GRIN2A: variants seen among roughly 807,000 people sequenced by gnomAD.
GRIN2A encodes the protein glutamate receptor ionotropic, NMDA 2A.
GRIN2A carries 22 observed loss-of-function variants against 113.4 expected under a neutral mutation model. The observed-to-expected ratio is 0.19, with a 90% CI of 0.14 to 0.28. GRIN2A has a LOEUF of 0.28. Ranked by LOEUF, GRIN2A falls within the 10% of genes least tolerant of loss-of-function variation. GRIN2A has a pLI of 1.00. For missense variants in GRIN2A, 1,502 were observed against 1,887.0 expected (o/e 0.80, Z 3.78); for synonymous variants, 827 against 738.4 (o/e 1.12, Z -1.94).
At chr16:10,085,317 T>C (rs2048065083) in intron 2 of GRIN2A, among the ~76,000 whole-genome samples, 1 of 152,192 alleles carries the variant, frequency 6.6e-6, no homozygotes, top group Non-Finnish European at 1.5e-5. Context: ...ACAGAATGGC[T>C]AAGTATACAT....
chr16:9,829,253 G>C (rs2042443179), intron 9 of GRIN2A, among the ~76,000 whole-genome samples, 170 bp downstream of exon 9: 1 of 152,170 alleles, frequency 6.6e-6, no homozygotes, highest in Admixed American at 6.5e-5. Context: ...TTAATGTTCT[G>C]TTTCAAAAAC....
intron 2 of GRIN2A, among the ~76,000 whole-genome samples, chr16:10,074,133 TACAA>T (rs1401961413): frequency 1.3e-5 from 2 of 152,120 alleles, no homozygotes; most frequent in Non-Finnish European, 2.9e-5. Context: ...ATATGCTCAA[TACAA>T]ACAGTGATTA....
chr16:9,930,435 G>A, intron 3 of GRIN2A, among the ~76,000 whole-genome samples: 1 of 152,246 alleles, frequency 6.6e-6, no homozygotes, highest in East Asian at 1.9e-4. Context: ...ACATAGCTTT[G>A]GGAAAAATGA....
rs1052812334 is a variant in GRIN2A at position 9,755,845 on chromosome 16, A to G, written c.*7304T>C. On this transcript the variant is annotated 3_prime_UTR_variant, in exon 13 of 13. Transcript: ENST00000330684. ...TGAGCCGGGAATTATCTCTAAGACAATTTGGAAAAGAAAAAAAAAAAGGAA... is the reference window on the plus strand; with the variant it reads ...TGAGCCGGGAATTATCTCTAAGACAGTTTGGAAAAGAAAAAAAAAAAGGAA... 2.0e-5 allele frequency: 4 copies of G among 201,824 alleles called. No individual in the cohort carries two copies. In the East Asian group the frequency reaches 3.0e-4, roughly 15 times the overall value. 12.5% of individuals were successfully genotyped at this position (201,824 alleles called of 1,614,324 possible). A position where few individuals can be genotyped will look rare whatever the true frequency, so the allele number is the denominator to read the frequency against.
At chr16:9,885,723 T>TG (rs35406730) in intron 4 of GRIN2A, among the ~76,000 whole-genome samples, 306 of 152,096 alleles carry the variant, frequency 2.0e-3, no homozygotes, top group African/African-American at 7.1e-3. Context: ...CGTGTAGTGC[T>TG]GGGGGGGCAG....
chr16:9,896,054 T>C (rs1235845812), intron 3 of GRIN2A, among the ~76,000 whole-genome samples: 1 of 70,960 alleles, frequency 1.4e-5, no homozygotes, highest in African/African-American at 1.2e-4. Flanking sequence ...TCACAGCAAC[T>C]TTTTTTTTTT....
chr16:10,047,897 T>C (rs1287467473), intron 2 of GRIN2A, among the ~76,000 whole-genome samples: 1 of 152,176 alleles, frequency 6.6e-6, no homozygotes, highest in Admixed American at 6.5e-5. Flanking sequence ...TTCACCACCT[T>C]GGTATCTGGC....
chr16:10,116,522 G>T (rs1186608346), intron 2 of GRIN2A, among the ~76,000 whole-genome samples: 1 of 152,192 alleles, frequency 6.6e-6, no homozygotes, highest in Non-Finnish European at 1.5e-5. Context: ...GCAAAATGAA[G>T]CAAAGGGGAA....
At chr16:10,063,112 T>C (rs546526692) in intron 2 of GRIN2A, among the ~76,000 whole-genome samples, 3 of 152,162 alleles carry the variant, frequency 2.0e-5, no homozygotes, top group Admixed American at 6.5e-5. Context: ...CCTAAGCAAA[T>C]TAACACAGGA....
At chr16:10,161,125 G>A (rs892925378) in intron 2 of GRIN2A, among the ~76,000 whole-genome samples, 2 of 152,206 alleles carry the variant, frequency 1.3e-5, no homozygotes, top group African/African-American at 4.8e-5. Flanking sequence ...CCTGGTGGGA[G>A]GTAATTTAAT....
chr16:9,889,354 T>G (rs1489326759), intron 4 of GRIN2A, among the ~76,000 whole-genome samples: 1 of 152,210 alleles, frequency 6.6e-6, no homozygotes, highest in Non-Finnish European at 1.5e-5. Flanking sequence ...TGTGTTTTCT[T>G]TCTTTTGTGT....
At position 9,760,176 on chromosome 16, in the gene GRIN2A, G is replaced by T. The variant is rs1434948686; in HGVS notation, c.*2973C>A. ...GAACTCAGAGCTGGGATATGTTACG[G>T]GAATCTTCTGTGATAGATCTATAGT... On this transcript the variant is annotated 3_prime_UTR_variant, in exon 13 of 13. Transcript: ENST00000330684. 1 of 226,184 alleles carries T rather than the reference G, an allele frequency of 4.4e-6. No homozygotes were observed. The highest frequency in any genetic ancestry group is 8.8e-6 in the Non-Finnish European group (1 of 113,812). The allele number at this position is 226,184 out of a possible 1,614,324, so 14.0% of individuals were successfully genotyped here.
intron 2 of GRIN2A, among the ~76,000 whole-genome samples, chr16:10,073,397 A>G (rs1779397083): frequency 6.6e-6 from 1 of 152,146 alleles, no homozygotes; most frequent in South Asian, 2.1e-4. Flanking sequence ...TGCTGATATC[A>G]CGCAGGGTTG....
chr16:10,069,588 C>A (rs8059228), intron 2 of GRIN2A, among the ~76,000 whole-genome samples: 6,353 of 152,332 alleles, frequency 0.042, 485 homozygotes, highest in African/African-American at 0.15. Context: ...AGTAGAAGGA[C>A]CCAGATCCCT....
intron 2 of GRIN2A, chr16:10,112,857 C>T (rs2142152910): frequency 5.4e-6 from 3 of 551,576 alleles, no homozygotes; most frequent in Non-Finnish European, 1.0e-5. Flanking sequence ...CCATGGCCTG[C>T]ACGCTTACCA....
chr16:9,790,899 C>T (rs1902565931), intron 11 of GRIN2A, among the ~76,000 whole-genome samples: 1 of 152,212 alleles, frequency 6.6e-6, no homozygotes, highest in African/African-American at 2.4e-5. Context: ...CAGGGGTGGA[C>T]ATGGATAGCG....
chr16:10,104,043 T>A lies in GRIN2A; in HGVS notation c.414+75955A>T, dbSNP rs2048448424. Among the ~76,000 whole-genome samples the A allele has an allele frequency of 2.0e-5, 3 of 152,174 alleles. No homozygotes were observed. In the South Asian group the frequency reaches 6.2e-4, roughly 32 times the overall value. On this transcript the variant is annotated intron_variant, in intron 2 of 12. Transcript: ENST00000330684. The stretch of plus-strand genomic sequence containing the variant: ...CAATGTCCTTCTTAAAATACAGAAC[T>A]CACACATGAGCATAACCGAAGATAC...
intron 4 of GRIN2A, among the ~76,000 whole-genome samples, chr16:9,871,271 C>A (rs956711793): frequency 6.6e-6 from 1 of 152,092 alleles, no homozygotes; most frequent in African/African-American, 2.4e-5. Context: ...AGTTTTCTGG[C>A]TCCTGGATGA....
At chr16:10,167,065 G>C (rs1385090391) in intron 2 of GRIN2A, among the ~76,000 whole-genome samples, 2 of 152,138 alleles carry the variant, frequency 1.3e-5, no homozygotes, top group Non-Finnish European at 2.9e-5. Context: ...GTTATACATG[G>C]ATTTTAAACT....
Sources: allele counts gnomAD v4.1 joint callset (sites outside exome capture counted in the v4.1 genomes callset), GRCh38; gene constraint gnomAD v4.1.1; transcripts MANE v1.5; gene names NCBI Gene and HGNC (gene_info 2026-07-23, HGNC 2026-07-21).